Variants in EML1 observed in about 807,000 individuals in gnomAD.
EML1 encodes the protein echinoderm microtubule-associated protein-like 1.
Under a neutral mutation model 110.4 loss-of-function variants are expected in EML1, and 27 were observed. That is an observed-to-expected ratio of 0.24 (90% CI 0.18 to 0.34). The LOEUF (loss-of-function observed/expected upper bound fraction) is 0.34, where lower values mean the gene tolerates loss of function less well. Among genes scored for constraint, EML1 ranks in the 10% least tolerant of loss-of-function variants. EML1 has a pLI of 1.00. For missense variants in EML1, 741 were observed against 1,030.9 expected, an observed-to-expected ratio of 0.72 and a Z score of 3.85; for synonymous variants, 344 against 385.8, an observed-to-expected ratio of 0.89 and a Z score of 1.27.
At chr14:99,889,586 A>ATGAATCC (rs2059551501) in intron 4 of EML1, among the ~76,000 whole-genome samples, 1 of 152,208 alleles carries the variant, frequency 6.6e-6, no homozygotes, top group Non-Finnish European at 1.5e-5. Flanking sequence ...AGCAGCGAAC[A>ATGAATCC]TGAATCCGTA....
chr14:99,859,710 A>G (rs8008730), intron 2 of EML1, among the ~76,000 whole-genome samples: 7,196 of 151,670 alleles, frequency 0.047, 592 homozygotes, highest in African/African-American at 0.17. Context: ...GTTTTGGGGG[A>G]GAATGTGCCT....
Position 99,914,603 on chromosome 14 carries a change from C to T in EML1, c.1658C>T (p.Ala553Val). The change falls in exon 15 of 22, where the codon GCC becomes GTC. Residue 553 changes from alanine to valine, a missense_variant. Around this residue, in one of 4 missense-constraint regions of EML1, gnomAD observed 388 missense variants for 605.6 expected, o/e 0.64. Coordinates refer to ENST00000262233, the MANE Select transcript of EML1 (RefSeq NM_004434.3). ...TDELWGLAIH[A>V]SKSQFLTCGH... ...GAGCTCTGGGGACTGGCCATCCATG[C>T]CTCAAAATCTCAGTTCTTGACCTGT... 1 of 1,610,376 alleles carries T rather than the reference C, an allele frequency of 6.2e-7. No homozygotes were observed. The highest frequency in any genetic ancestry group is 8.5e-7 in the Non-Finnish European group (1 of 1,179,298).
Position 99,748,801 on chromosome 14 carries a change from A to T in EML1, c.28+10941A>T, listed in dbSNP as rs117947288. 6.0e-4 allele frequency among the ~76,000 whole-genome samples: 92 copies of T among 152,314 alleles called. No homozygotes were observed. In the East Asian group the frequency reaches 0.017, roughly 28 times the overall value. ...TCGTCCACGGAAAAATCCAATACCC[A>T]TTAGTAGCGACCCCTTCTAGCTTCC... On this transcript the variant is annotated intron_variant, in intron 1 of 10. Transcript: ENST00000554479.
chr14:99,940,003 A>G lies in EML1; in HGVS notation c.2339A>G (p.Tyr780Cys), dbSNP rs1442317256. 5 of 1,578,360 alleles carry G rather than the reference A, an allele frequency of 3.2e-6. No individual in the cohort carries two copies. Among genetic ancestry groups the G allele is most frequent in the Admixed American group, 1.8e-5 (1 of 55,300 alleles). Residue 780 changes from tyrosine (Y) to cysteine (C), a missense_variant, in exon 22 of 22, where the codon TAC (tyrosine) becomes TGC (cysteine). By Grantham distance (194) the Tyr-to-Cys change is radical. This residue lies in a region of EML1 where 114 missense variants were observed against 122.5 expected (regional missense o/e 0.93). Transcript: ENST00000262233. ...TCCCTCCAGGCTCCAAGCCACATCT[A>G]CGGCGGGCACAGCAGCCATGTCACC... ...CSQFRAPSHIYGGHSSHVTNV... is the reference protein window; with the variant it reads ...CSQFRAPSHICGGHSSHVTNV...
intron 1 of EML1, chr14:99,737,916 C>T: frequency 7.8e-7 from 1 of 1,282,346 alleles, no homozygotes; most frequent in Non-Finnish European, 1.0e-6. Flanking sequence ...GCCAAGGCCG[C>T]CAGTCGCCGA....
intron 1 of EML1, among the ~76,000 whole-genome samples, chr14:99,774,600 G>A (rs1023961989): frequency 3.9e-5 from 6 of 152,284 alleles, no homozygotes; most frequent in African/African-American, 1.4e-4. Flanking sequence ...TGGCCACATA[G>A]GATGCTGCAT....
chr14:99,834,717 C>G (rs182497273), intron 1 of EML1, among the ~76,000 whole-genome samples: 40 of 152,226 alleles, frequency 2.6e-4, no homozygotes, highest in Non-Finnish European at 4.9e-4. Flanking sequence ...TCTTCCTTAT[C>G]AGTTATCTGA....
intron 1 of EML1, among the ~76,000 whole-genome samples, chr14:99,821,685 C>T (rs1354417950): frequency 1.3e-5 from 2 of 152,198 alleles, no homozygotes; most frequent in Non-Finnish European, 2.9e-5. Context: ...GCAGATTGTG[C>T]CACTGCACTC....
chr14:99,853,755 C>T (rs1209604383), intron 2 of EML1, among the ~76,000 whole-genome samples: 1 of 152,138 alleles, frequency 6.6e-6, no homozygotes, highest in East Asian at 1.9e-4. Flanking sequence ...CTGCAACCTC[C>T]GCCTCCCGGG....
intron 1 of EML1, among the ~76,000 whole-genome samples, chr14:99,817,098 C>CT (rs61613679): frequency 0.3 from 46,012 of 152,014 alleles, 8,499 homozygotes; most frequent in South Asian, 0.51. Context: ...AAAGTTCTTT[C>CT]TTTTTTTTCT....
At chr14:99,774,287 C>T (rs1334916923) in intron 1 of EML1, among the ~76,000 whole-genome samples, 4 of 152,178 alleles carry the variant, frequency 2.6e-5, no homozygotes, top group South Asian at 2.1e-4. Flanking sequence ...ACAGTGACAG[C>T]GTGGCCTTGT....
chr14:99,795,584 T>C (rs556477173), intron 1 of EML1, among the ~76,000 whole-genome samples: 25 of 152,352 alleles, frequency 1.6e-4, no homozygotes, highest in African/African-American at 6.0e-4. Context: ...TTAAGAGGCT[T>C]TCATTAAGTG....
intron 2 of EML1, among the ~76,000 whole-genome samples, chr14:99,853,880 A>G (rs1228648433): frequency 6.6e-6 from 1 of 152,202 alleles, no homozygotes; most frequent in Non-Finnish European, 1.5e-5. Context: ...CATGTTGGCC[A>G]GGCCGGTTTT....
chr14:99,755,756 C>T (rs1041692993), intron 1 of EML1, among the ~76,000 whole-genome samples: 1 of 152,196 alleles, frequency 6.6e-6, no homozygotes, highest in African/African-American at 2.4e-5. Context: ...CCAACCCCCG[C>T]AAGGGGCAGG....
At chr14:99,779,799 C>A (rs2146239) in intron 1 of EML1, among the ~76,000 whole-genome samples, 12 of 152,048 alleles carry the variant, frequency 7.9e-5, no homozygotes, top group South Asian at 4.1e-4. Flanking sequence ...GCTTCCCCTC[C>A]CCTCTGGTAT....
chr14:99,787,268 C>CTTTTTTTTT (rs34680462), intron 1 of EML1, among the ~76,000 whole-genome samples: 1 of 101,606 alleles, frequency 9.8e-6, no homozygotes, highest in African/African-American at 3.9e-5. Flanking sequence ...CTCTGAGATT[C>CTTTTTTTTT]TTTTTTTTTT....
chr14:99,747,144 C>T (rs935496282), intron 1 of EML1, among the ~76,000 whole-genome samples: 12 of 145,360 alleles, frequency 8.3e-5, no homozygotes, highest in African/African-American at 2.8e-4. Flanking sequence ...GCCGAGATAG[C>T]GCCACTGCAC....
chr14:99,909,385 C>T lies in EML1; in HGVS notation c.1145C>T (p.Thr382Met), dbSNP rs762825387. 75 of 1,614,050 alleles carry T rather than the reference C, an allele frequency of 4.6e-5. No homozygotes were observed. Among genetic ancestry groups the T allele is most frequent in the South Asian group, 2.6e-4 (24 of 91,086 alleles). The stretch of plus-strand genomic sequence containing the variant: ...GTGTTTGCTGCGGATTTCCACCCCA[C>T]GGACACCAACATCATAGTTACTTGT... ...EAVFAADFHP[T>M]DTNIIVTCGK... The change falls in exon 11 of 22, where the codon ACG (threonine) becomes ATG (methionine). Residue 382 changes from threonine (T) to methionine (M), a missense_variant. Thr to Met is a moderately conservative substitution (Grantham distance 81). This residue lies in a region of EML1 where 388 missense variants were observed against 605.6 expected (regional missense o/e 0.64). Coordinates refer to ENST00000262233, the MANE Select transcript of EML1 (RefSeq NM_004434.3).
intron 1 of EML1, among the ~76,000 whole-genome samples, chr14:99,748,033 CGTGCCTGG>C (rs1269828849): frequency 6.6e-6 from 1 of 152,232 alleles, no homozygotes; most frequent in Non-Finnish European, 1.5e-5. Context: ...TGAGATCATG[CGTGCCTGG>C]GTGCCTGGGA....
Sources: allele counts gnomAD v4.1 joint callset (sites outside exome capture counted in the v4.1 genomes callset), GRCh38; gene constraint gnomAD v4.1.1; regional missense constraint gnomAD v4.1.1; transcripts MANE v1.5; gene names NCBI Gene and HGNC (gene_info 2026-07-23, HGNC 2026-07-21).